KLHL29: variants seen among roughly 807,000 people sequenced by gnomAD.
KLHL29 encodes the protein kelch like family member 29, also known as kelch-like protein 29.
KLHL29 carries 21 observed loss-of-function variants against 80.4 expected under a neutral mutation model. The observed-to-expected ratio is 0.26, with a 90% CI of 0.19 to 0.38. The LOEUF (loss-of-function observed/expected upper bound fraction) is 0.38, where lower values mean the gene tolerates loss of function less well. Among genes scored for constraint, KLHL29 ranks in the 10% least tolerant of loss-of-function variants. KLHL29 has a pLI of 1.00. For synonymous variants in KLHL29, 511 were observed against 526.8 expected, an observed-to-expected ratio of 0.97 and a Z score of 0.41; for missense variants, 867 against 1,223.9, an observed-to-expected ratio of 0.71 and a Z score of 4.35.
chr2:23,529,606 G>A (rs1303947298), intron 2 of KLHL29, among the ~76,000 whole-genome samples: 2 of 152,142 alleles, frequency 1.3e-5, no homozygotes, highest in Admixed American at 6.5e-5. Flanking sequence ...CACAGGCTTG[G>A]TATAGACCTG....
At chr2:23,602,727 T>C (rs535695288) in intron 3 of KLHL29, among the ~76,000 whole-genome samples, 20 of 151,954 alleles carry the variant, frequency 1.3e-4, no homozygotes, top group Non-Finnish European at 2.4e-4. Context: ...GTGCTGGGAT[T>C]ACAGGCGTGA....
intron 1 of KLHL29, among the ~76,000 whole-genome samples, chr2:23,468,697 TGTG>T (rs1664417200): frequency 6.6e-6 from 1 of 152,090 alleles, no homozygotes; most frequent in African/African-American, 2.4e-5. Context: ...CTAGAGGGCT[TGTG>T]GTGTTTTCTG....
At chr2:23,575,669 A>ATGC (rs914802734) in intron 3 of KLHL29, among the ~76,000 whole-genome samples, 4 of 152,186 alleles carry the variant, frequency 2.6e-5, no homozygotes, top group African/African-American at 9.7e-5. Flanking sequence ...CCTTTTTATG[A>ATGC]TGCTGCTGGC....
At position 23,579,322 on chromosome 2, in the gene KLHL29, C is replaced by G. The variant is rs565627863; in HGVS notation, c.285+16841C>G. On this transcript the variant is annotated intron_variant, in intron 3 of 13. Coordinates refer to ENST00000486442, the MANE Select transcript of KLHL29 (RefSeq NM_052920.2). Reference sequence around the variant, plus strand: ...AACTCAGACCTTTTTTACTTCGAAGCCTGTGACTCTAACTCCCAGTTCTTT... The same window carrying G: ...AACTCAGACCTTTTTTACTTCGAAGGCTGTGACTCTAACTCCCAGTTCTTT... 1.3e-4 allele frequency among the ~76,000 whole-genome samples: 20 copies of G among 152,320 alleles called. No homozygotes were observed. The South Asian group carries it at 2.7e-3, about 21-fold the overall frequency.
In KLHL29 at chr2:23,586,362, C is replaced by CTTTTTTT. The variant is rs778067234; in HGVS notation, c.285+23898_285+23904dup. Among the ~76,000 whole-genome samples, 27 of 96,990 alleles carry CTTTTTTT rather than the reference C, an allele frequency of 2.8e-4. 1 individual carries two copies. The highest frequency in any genetic ancestry group is 4.9e-4 in the African/African-American group (11 of 22,524). The allele number at this position is 96,990 out of a possible 152,430, so 63.6% of individuals were successfully genotyped here. A position where few individuals can be genotyped will look rare whatever the true frequency, so the allele number is the denominator to read the frequency against. ...CCATTCCTTCTACCTAAAAGCATTA[C>CTTTTTTT]TTTTTTTTTTTTTTTTTTTTTTTGA... On this transcript the variant is annotated intron_variant, in intron 3 of 13. Coordinates refer to ENST00000486442, the MANE Select transcript of KLHL29 (RefSeq NM_052920.2).
At chr2:23,543,635 G>A (rs934375) in intron 2 of KLHL29, among the ~76,000 whole-genome samples, 148,700 of 152,332 alleles carry the variant, frequency 0.98, 72,614 homozygotes, top group East Asian at 1. Context: ...AAGCAGATTA[G>A]AAGTCAGATA....
chr2:23,412,204 T>C (rs1370047309), intron 1 of KLHL29, among the ~76,000 whole-genome samples: 4 of 148,236 alleles, frequency 2.7e-5, no homozygotes, highest in Non-Finnish European at 4.4e-5. Flanking sequence ...AGTTCCAGGG[T>C]TGGGGTGCTG....
intron 3 of KLHL29, among the ~76,000 whole-genome samples, chr2:23,627,843 T>A (rs1669356747): frequency 6.6e-6 from 1 of 152,002 alleles, no homozygotes. Context: ...CCAGTGAGTC[T>A]TTGTTTGCAA....
intron 2 of KLHL29, among the ~76,000 whole-genome samples, chr2:23,508,821 T>C (rs1291111747): frequency 6.6e-6 from 1 of 152,162 alleles, no homozygotes; most frequent in East Asian, 1.9e-4. Context: ...TGCAGGGACA[T>C]TTAACATAAA....
At chr2:23,544,828 C>G (rs1043488109) in intron 2 of KLHL29, among the ~76,000 whole-genome samples, 36 of 152,172 alleles carry the variant, frequency 2.4e-4, no homozygotes, top group Admixed American at 1.1e-3. Context: ...AGGAGGCCAG[C>G]ATGTTGGAAC....
chr2:23,436,178 G>A (rs1663335519), intron 1 of KLHL29, among the ~76,000 whole-genome samples: 2 of 151,998 alleles, frequency 1.3e-5, no homozygotes, highest in African/African-American at 4.8e-5. Context: ...GGATGTTTCT[G>A]TATTTCTTGC....
intron 5 of KLHL29, among the ~76,000 whole-genome samples, chr2:23,654,299 C>T (rs867052629): frequency 5.3e-5 from 8 of 152,172 alleles, no homozygotes; most frequent in East Asian, 3.8e-4. Context: ...TTAGCATCCC[C>T]GGCTTTCCTT....
chr2:23,478,676 T>C (rs1024193043), intron 2 of KLHL29, among the ~76,000 whole-genome samples: 2 of 152,104 alleles, frequency 1.3e-5, no homozygotes, highest in Non-Finnish European at 2.9e-5. Context: ...CCTCGGGCTC[T>C]GGAGGTGGTG....
chr2:23,472,329 A>C (rs747920310), intron 1 of KLHL29, among the ~76,000 whole-genome samples: 10 of 152,034 alleles, frequency 6.6e-5, no homozygotes, highest in Non-Finnish European at 1.3e-4. Flanking sequence ...GGCACTTCTG[A>C]GATGGTGATG....
intron 3 of KLHL29, among the ~76,000 whole-genome samples, chr2:23,609,103 GTCAC>G (rs942061433): frequency 1.1e-4 from 17 of 152,176 alleles, no homozygotes; most frequent in African/African-American, 4.1e-4. Flanking sequence ...CAGTCATTTA[GTCAC>G]TCATTCATTT....
At chr2:23,543,998 A>G (rs1666918579) in intron 2 of KLHL29, among the ~76,000 whole-genome samples, 1 of 152,202 alleles carries the variant, frequency 6.6e-6, no homozygotes, top group South Asian at 2.1e-4. Context: ...CATTTGTGCA[A>G]CTGGCCTGAA....
chr2:23,444,235 C>T lies in KLHL29; in HGVS notation c.-153-31325C>T, dbSNP rs572007099. Among the ~76,000 whole-genome samples, 167 of 152,232 alleles carry T rather than the reference C, an allele frequency of 1.1e-3. 1 individual carries two copies. The highest frequency in any genetic ancestry group is 3.9e-3 in the African/African-American group (161 of 41,550). ...TAGGAAACATAGTTAATAAATTATGCGTTCAAACTGATGTTTTGAATTCAG... is the reference window on the plus strand; with the variant it reads ...TAGGAAACATAGTTAATAAATTATGTGTTCAAACTGATGTTTTGAATTCAG... On this transcript the variant is annotated intron_variant, in intron 1 of 13. Coordinates refer to ENST00000486442, the MANE Select transcript of KLHL29 (RefSeq NM_052920.2).
intron 1 of KLHL29, among the ~76,000 whole-genome samples, chr2:23,386,001 AG>A (rs1298008481): frequency 1.3e-5 from 2 of 150,194 alleles, no homozygotes; most frequent in Non-Finnish European, 1.5e-5. Flanking sequence ...GGGGAAAAAA[AG>A]GGGGGGAAAA....
rs199970151 is a variant in KLHL29, at chr2:23,693,429, C to T, written c.1443C>T (p.Ile481=). ...EILSISKDDF[I]AYVSNDSLNT... ...TCAGCATCTCCAAGGACGACTTCATCGCCTACGTCTCCAACGACAGCCTCA... is the reference window on the plus strand; with the variant it reads ...TCAGCATCTCCAAGGACGACTTCATTGCCTACGTCTCCAACGACAGCCTCA... The change falls in exon 8 of 14, where the codon ATC becomes ATT. Residue 481 remains isoleucine (I), a synonymous_variant. Transcript: ENST00000486442. 2.7e-5 allele frequency: 42 copies of T among 1,551,746 alleles called. No homozygotes were observed. Among genetic ancestry groups the T allele is most frequent in the Admixed American group, 1.2e-4 (6 of 51,018 alleles).
Sources: gnomAD v4.1 joint callset for allele counts (sites outside exome capture counted in the v4.1 genomes callset) on GRCh38, gnomAD v4.1.1 for gene constraint, MANE v1.5 for transcripts, NCBI Gene and HGNC (gene_info 2026-07-23, HGNC 2026-07-21) for gene names.